Variants in FBRSL1 observed in about 807,000 individuals in gnomAD.
The protein encoded by FBRSL1 is fibrosin like 1.
In FBRSL1, 51 loss-of-function variants were observed where a neutral mutation model predicts 89.6. The ratio of observed to expected loss-of-function variants is 0.57; its 90% CI spans 0.45 to 0.72. The LOEUF (loss-of-function observed/expected upper bound fraction) is 0.72. Ranked by LOEUF, FBRSL1 falls within the 30% of genes least tolerant of loss-of-function variation. The pLI, the probability that FBRSL1 is intolerant of heterozygous loss-of-function variation, is 0.00. For missense variants in FBRSL1, 1,618 were observed against 1,451.8 expected (o/e 1.11, Z -1.86); for synonymous variants, 779 against 681.1 (o/e 1.14, Z -2.24).
At chr12:132,518,323 A>G (rs910261292) in intron 2 of FBRSL1, among the ~76,000 whole-genome samples, 2 of 145,380 alleles carry the variant, frequency 1.4e-5, no homozygotes, top group African/African-American at 5.2e-5. Context: ...CCAGCCACCC[A>G]TGCATCTGTC....
chr12:132,506,085 C>T (rs920159859), intron 1 of FBRSL1, among the ~76,000 whole-genome samples: 10 of 152,158 alleles, frequency 6.6e-5, no homozygotes, highest in African/African-American at 9.7e-5. Context: ...AATGTTCACT[C>T]AGCAGCACTT....
At chr12:132,510,623 G>A in intron 2 of FBRSL1, 1 of 1,229,580 alleles carries the variant, frequency 8.1e-7, no homozygotes, top group Non-Finnish European at 1.0e-6. Context: ...TTGAGGCTCG[G>A]CCAGAGGCGG....
chr12:132,571,792 A>G (rs1219972483), intron 9 of FBRSL1: 1 of 332,994 alleles, frequency 3.0e-6, no homozygotes, highest in Admixed American at 4.9e-5. Context: ...CGCCTGCACT[A>G]GATCCCCAGT....
intron 5 of FBRSL1, among the ~76,000 whole-genome samples, chr12:132,563,962 C>T (rs1437828292): frequency 2.7e-5 from 4 of 150,726 alleles, no homozygotes; most frequent in Non-Finnish European, 5.9e-5. Context: ...CACCCACCCC[C>T]GTCGCCCCGA....
chr12:132,518,852 A>G (rs1258896349), intron 2 of FBRSL1, among the ~76,000 whole-genome samples: 1 of 146,086 alleles, frequency 6.8e-6, no homozygotes, highest in Non-Finnish European at 1.5e-5. Context: ...CCATGCATCC[A>G]TCATCCACCC....
At chr12:132,564,292 C>T (rs2039404193) in intron 5 of FBRSL1, among the ~76,000 whole-genome samples, 1 of 152,192 alleles carries the variant, frequency 6.6e-6, no homozygotes, top group South Asian at 2.1e-4. Flanking sequence ...TTGGCTGGGC[C>T]ACGTGGGATT....
intron 1 of FBRSL1, among the ~76,000 whole-genome samples, 151 bp downstream of exon 1, chr12:132,491,012 G>T (rs1391223267): frequency 1.3e-5 from 2 of 152,230 alleles, no homozygotes; most frequent in African/African-American, 4.8e-5. Context: ...CCGTTCCAGG[G>T]ACCCTGGGTG....
intron 5 of FBRSL1, chr12:132,551,881 C>T: frequency 3.5e-6 from 1 of 288,924 alleles, no homozygotes. Context: ...AGGCAGCCGC[C>T]AGGTGGTGGT....
Position 132,572,553 on chromosome 12 carries a change from C to A in FBRSL1, c.1461C>A (p.Ile487=). 1 of 1,551,388 alleles carries A rather than the reference C, an allele frequency of 6.4e-7. No individual in the cohort carries two copies. Among genetic ancestry groups the A allele is most frequent in the Non-Finnish European group, 8.7e-7 (1 of 1,146,852 alleles). ...VSFFPSFPPA[I]PGLPTLLPHP... is the part of the protein sequence containing the mutation. The stretch of plus-strand genomic sequence containing the variant: ...TCTTCCCGTCCTTCCCTCCTGCCAT[C>A]CCGGGACTGCCCACCCTGCTCCCAC... The change falls in exon 11 of 19, where the codon ATC becomes ATA. Residue 487 remains isoleucine, a synonymous_variant. Transcript: ENST00000680143.
Position 132,582,272 on chromosome 12 carries a change from T to G in FBRSL1, c.2201+6T>G, listed in dbSNP as rs1310606663. The G allele has an allele frequency of 1.9e-6, 3 of 1,549,168 alleles. No individual in the cohort carries two copies. The South Asian group carries it at 3.6e-5, about 18-fold the overall frequency. ...GGCAAGGAGGAGCAGGAACGGTGAG[T>G]GGCCCTCTTGTTCCGTATCCCCACC... On this transcript the variant is annotated splice_donor_region_variant and intron_variant, in intron 18 of 18. Transcript: ENST00000680143.
rs1271488662 is a variant in FBRSL1, at chr12:132,508,219, C to T, written c.358C>T (p.Arg120Trp). 15 of 1,551,054 alleles carry T rather than the reference C, an allele frequency of 9.7e-6. No individual in the cohort carries two copies. The highest frequency in any genetic ancestry group is 3.6e-5 in the South Asian group (3 of 84,070). Residue 120 changes from arginine to tryptophan, a missense_variant, in exon 2 of 19, where the codon CGG becomes TGG. Transcript: ENST00000680143. The part of the protein sequence containing the change: ...KWERRLIKKP[R>W]ESETCPPAEP... ...GGAGCGTCGTCTCATCAAGAAGCCC[C>T]GGGAGTCGGAAACCTGCCCCCCTGC...
chr12:132,579,408 A>G (rs913739824), intron 15 of FBRSL1, among the ~76,000 whole-genome samples: 2 of 152,230 alleles, frequency 1.3e-5, no homozygotes, highest in Non-Finnish European at 2.9e-5. Context: ...TATTTTACTA[A>G]TATTATGATT....
intron 5 of FBRSL1, among the ~76,000 whole-genome samples, chr12:132,561,434 G>A (rs948734603): frequency 2.3e-5 from 3 of 128,670 alleles, no homozygotes; most frequent in Non-Finnish European, 4.7e-5. Context: ...CAGTGAAGGG[G>A]AGGGCAGCAG....
At chr12:132,566,184 A>T (rs1051333677) in intron 5 of FBRSL1, 7 of 152,074 alleles carry the variant, frequency 4.6e-5, no homozygotes, top group African/African-American at 7.2e-5. Context: ...TTCCTGGTCC[A>T]TAGAGGGTGC....
chr12:132,495,304 G>A (rs1236814693), intron 1 of FBRSL1, among the ~76,000 whole-genome samples: 1 of 152,252 alleles, frequency 6.6e-6, no homozygotes, highest in Non-Finnish European at 1.5e-5. Context: ...CCATGTGGGG[G>A]CGGGGCTGGG....
chr12:132,521,604 C>A lies in FBRSL1; in HGVS notation c.490-4130C>A, dbSNP rs528087061. On this transcript the variant is annotated intron_variant, in intron 2 of 18. Coordinates refer to ENST00000680143, the MANE Select transcript of FBRSL1 (RefSeq NM_001367871.1). The stretch of plus-strand genomic sequence containing the variant: ...CGTGGCCGGCCAGTCTCAGTTCATG[C>A]CCCTGTAGGATAGTCCTTGTCTGAA... 3.3e-5 allele frequency among the ~76,000 whole-genome samples: 5 copies of A among 152,342 alleles called. No individual in the cohort carries two copies. In the South Asian group the frequency reaches 1.0e-3, roughly 32 times the overall value.
At chr12:132,553,240 C>G (rs77741612) in intron 5 of FBRSL1, 7,700 of 152,596 alleles carry the variant, frequency 0.05, 270 homozygotes, top group Middle Eastern at 0.098. Context: ...GACACAGACC[C>G]TGCCCACACC....
At chr12:132,556,562 C>T (rs1158903462) in intron 5 of FBRSL1, among the ~76,000 whole-genome samples, 1 of 103,676 alleles carries the variant, frequency 9.6e-6, no homozygotes, top group Non-Finnish European at 2.0e-5. Flanking sequence ...TCCACCCACC[C>T]CTGTCCTGTG....
intron 8 of FBRSL1, among the ~76,000 whole-genome samples, chr12:132,570,851 G>A (rs991230092): frequency 7.2e-5 from 11 of 152,226 alleles, no homozygotes; most frequent in African/African-American, 2.7e-4. Flanking sequence ...CTGAGCCCTG[G>A]GAGGAGGGGG....
Sources: gnomAD v4.1 joint callset for allele counts (sites outside exome capture counted in the v4.1 genomes callset) on GRCh38, gnomAD v4.1.1 for gene constraint, MANE v1.5 for transcripts, NCBI Gene and HGNC (gene_info 2026-07-23, HGNC 2026-07-21) for gene names.